PPIP5K2: variants seen among roughly 807,000 people sequenced by gnomAD.
PPIP5K2 encodes the protein inositol hexakisphosphate and diphosphoinositol-pentakisphosphate kinase 2.
In PPIP5K2, 105 loss-of-function variants were observed where a neutral mutation model predicts 154.6. That is an observed-to-expected ratio of 0.68 (90% CI 0.58 to 0.80). The LOEUF (loss-of-function observed/expected upper bound fraction) is 0.80. PPIP5K2 is among the 30% of genes least tolerant of loss of function. The pLI is 0.00. For missense variants in PPIP5K2, 992 were observed against 1,504.6 expected (o/e 0.66, Z 5.64); for synonymous variants, 480 against 490.3 (o/e 0.98, Z 0.28).
rs533735371 is a variant in PPIP5K2, at chr5:103,137,774, C to G, written c.402-610C>G. 4.4e-4 allele frequency among the ~76,000 whole-genome samples: 67 copies of G among 152,058 alleles called. 2 individuals carry two copies. The highest frequency in any genetic ancestry group is 9.0e-4 in the Non-Finnish European group (61 of 67,954). ...TTCCAGAGAGTAACATTATTAATATCTAAAATTTAAAACATTTTCTCTACA... is the reference window on the plus strand; with the variant it reads ...TTCCAGAGAGTAACATTATTAATATGTAAAATTTAAAACATTTTCTCTACA... On this transcript the variant is annotated intron_variant, in intron 4 of 30. Transcript: ENST00000358359.
chr5:103,201,489 A>C (rs782051347), intron 30 of PPIP5K2, 33 bp from the exon 31 acceptor site: 2 of 1,290,962 alleles, frequency 1.5e-6, no homozygotes, highest in African/African-American at 3.0e-5. Flanking sequence ...AATTTAAGCA[A>C]TAGTTTTTTT....
At chr5:103,137,060 G>A (rs1004172628) in intron 4 of PPIP5K2, among the ~76,000 whole-genome samples, 1 of 152,042 alleles carries the variant, frequency 6.6e-6, no homozygotes, top group Non-Finnish European at 1.5e-5. Context: ...AGACTTAACC[G>A]AGATTGTTTA....
chr5:103,183,131 CTT>C, intron 24 of PPIP5K2, 101 bp from the exon 25 acceptor site: 1 of 909,092 alleles, frequency 1.1e-6, no homozygotes, highest in Non-Finnish European at 1.4e-6. Flanking sequence ...ATTTTTTTTT[CTT>C]TCTGATCATT....
chr5:103,138,491 T>A, intron 5 of PPIP5K2, 22 bp downstream of exon 5: 1 of 1,504,466 alleles, frequency 6.6e-7, no homozygotes, highest in Non-Finnish European at 9.2e-7. Context: ...AGATTTTAGG[T>A]AAGCTTCCTT....
chr5:103,127,830 T>TA (rs1789953050), intron 1 of PPIP5K2, among the ~76,000 whole-genome samples: 1 of 152,016 alleles, frequency 6.6e-6, no homozygotes, highest in African/African-American at 2.4e-5. Flanking sequence ...ATGGAAAGAG[T>TA]AAAAAAATTG....
chr5:103,126,255 C>T lies in PPIP5K2; in HGVS notation c.-284-3051C>T, dbSNP rs116655694. 6.7e-3 allele frequency among the ~76,000 whole-genome samples: 1,025 copies of T among 152,100 alleles called. 7 individuals carry two copies. The highest frequency in any genetic ancestry group is 0.013 in the Non-Finnish European group (853 of 67,984). On this transcript the variant is annotated intron_variant, in intron 1 of 30. Coordinates refer to ENST00000358359, the MANE Select transcript of PPIP5K2 (RefSeq NM_001276277.3). ...TGAATGAATGAGACATGTTTCAGAC[C>T]TAAGGTCATAATCAAATGAGGGACA...
chr5:103,137,814 CAT>C (rs1223497515), intron 4 of PPIP5K2, among the ~76,000 whole-genome samples: 1 of 151,946 alleles, frequency 6.6e-6, no homozygotes, highest in Non-Finnish European at 1.5e-5. Context: ...CATATTAATT[CAT>C]ATATATGTGT....
At chr5:103,131,309 T>G (rs1790568201) in intron 2 of PPIP5K2, among the ~76,000 whole-genome samples, 1 of 152,216 alleles carries the variant, frequency 6.6e-6, no homozygotes, top group Non-Finnish European at 1.5e-5. Flanking sequence ...TACCCATGTT[T>G]TAAATCATCC....
intron 2 of PPIP5K2, 70 bp from the exon 3 acceptor site, chr5:103,133,383 C>T (rs1790959621): frequency 7.5e-7 from 1 of 1,329,620 alleles, no homozygotes; most frequent in African/African-American, 1.5e-5. Context: ...TTTTGGAAAA[C>T]AAATGAAGAT....
At position 103,207,431 on chromosome 5, in the gene PPIP5K2, TGA is replaced by T; in HGVS notation, c.*5799_*5800del. On this transcript the variant is annotated 3_prime_UTR_variant, in exon 31 of 31. Transcript: ENST00000358359. ...TGACCAAAATCATCATTTTGGATAG[TGA>T]GGGCATGGATAATGGATACATAATC... 1.3e-5 allele frequency: 2 copies of T among 152,288 alleles called. No homozygotes were observed. Among genetic ancestry groups the T allele is most frequent in the Admixed American group, 1.3e-4 (2 of 15,292 alleles). 9.4% of individuals were successfully genotyped at this position (152,288 alleles called of 1,614,324 possible). A position where few individuals can be genotyped will look rare whatever the true frequency, so the allele number is the denominator to read the frequency against.
At chr5:103,176,784 G>T (rs782674656) in intron 21 of PPIP5K2, 2 of 801,792 alleles carry the variant, frequency 2.5e-6, no homozygotes, top group South Asian at 2.2e-5. Flanking sequence ...TTTTCAGATA[G>T]AATTTTCTAC....
chr5:103,120,800 G>C lies in PPIP5K2; in HGVS notation c.-285+312G>C, dbSNP rs1788536124. The C allele has an allele frequency of 1.0e-5, 3 of 289,842 alleles. No homozygotes were observed. In the East Asian group the frequency reaches 2.4e-4, roughly 23 times the overall value. 18.0% of individuals were successfully genotyped at this position (289,842 alleles called of 1,614,324 possible). ...GAGCTTCTACCCCACGCTGTGCCTG[G>C]CTCCACTGAAGTGATTAGCCTCGAG... On this transcript the variant is annotated intron_variant, in intron 1 of 30. Transcript: ENST00000358359.
intron 29 of PPIP5K2, among the ~76,000 whole-genome samples, chr5:103,193,328 C>T (rs1174769020): frequency 7.2e-5 from 11 of 151,902 alleles, no homozygotes; most frequent in Admixed American, 7.2e-4. Context: ...ACAGTTAGTT[C>T]CCTGAGTTAT....
intron 17 of PPIP5K2, among the ~76,000 whole-genome samples, chr5:103,162,787 G>GAT (rs1230061631): frequency 1.3e-5 from 2 of 151,936 alleles, no homozygotes; most frequent in African/African-American, 4.8e-5. Flanking sequence ...GAGGCCATAA[G>GAT]ATATATATAT....
chr5:103,180,863 A>AG (rs1799418828), intron 24 of PPIP5K2, among the ~76,000 whole-genome samples: 1 of 151,664 alleles, frequency 6.6e-6, no homozygotes, highest in African/African-American at 2.4e-5. Context: ...AAAAAAAAAA[A>AG]AAGTAGAGAA....
intron 29 of PPIP5K2, among the ~76,000 whole-genome samples, chr5:103,191,745 C>T (rs1801270327): frequency 6.6e-6 from 1 of 152,072 alleles, no homozygotes; most frequent in Non-Finnish European, 1.5e-5. Flanking sequence ...GAGAAGTCAG[C>T]TGCCAGTTGT....
intron 9 of PPIP5K2, among the ~76,000 whole-genome samples, chr5:103,151,804 G>T (rs957620799): frequency 2.0e-5 from 3 of 151,954 alleles, no homozygotes; most frequent in Admixed American, 6.6e-5. Flanking sequence ...ACAAGCATAT[G>T]TTACTTGATG....
chr5:103,184,464 G>A lies in PPIP5K2; in HGVS notation c.3097-208G>A, dbSNP rs1345775013. ...ACATGATGTTTCATTCTGAATGCCTGCTTCGCACCACTTCATTGCAAGGAC... is the reference window on the plus strand; with the variant it reads ...ACATGATGTTTCATTCTGAATGCCTACTTCGCACCACTTCATTGCAAGGAC... On this transcript the variant is annotated intron_variant, in intron 25 of 30. Coordinates refer to ENST00000358359, the MANE Select transcript of PPIP5K2 (RefSeq NM_001276277.3). The A allele has an allele frequency of 1.1e-5, 5 of 453,662 alleles. No homozygotes were observed. In the East Asian group the frequency reaches 1.8e-4, roughly 16 times the overall value. 28.1% of individuals were successfully genotyped at this position (453,662 alleles called of 1,614,324 possible).
chr5:103,184,762 A>G lies in PPIP5K2; in HGVS notation c.3169+18A>G. On this transcript the variant is annotated intron_variant, in intron 26 of 30. Transcript: ENST00000358359. The stretch of plus-strand genomic sequence containing the variant: ...TACTGTAGGTATGTGGTGTAAAGGA[A>G]ATTGTGTTCCATACCCTTCTTAAAC... 2 of 1,594,992 alleles carry G rather than the reference A, an allele frequency of 1.3e-6. No homozygotes were observed. Among genetic ancestry groups the G allele is most frequent in the South Asian group, 1.1e-5 (1 of 90,586 alleles).
Sources: allele counts gnomAD v4.1 joint callset (sites outside exome capture counted in the v4.1 genomes callset), GRCh38; gene constraint gnomAD v4.1.1; transcripts MANE v1.5; gene names NCBI Gene and HGNC (gene_info 2026-07-23, HGNC 2026-07-21).